Variants in IQSEC1 observed in about 807,000 individuals in gnomAD.
The protein encoded by IQSEC1 is IQ motif and Sec7 domain ArfGEF 1.
IQSEC1 carries 31 observed loss-of-function variants against 91.0 expected under a neutral mutation model. The observed-to-expected ratio is 0.34, with a 90% CI of 0.26 to 0.46. The LOEUF is 0.46. Among genes scored for constraint, IQSEC1 ranks in the 20% least tolerant of loss-of-function variants. IQSEC1 has a pLI of 1.00. For synonymous variants in IQSEC1, 699 were observed against 662.6 expected (o/e 1.05, Z -0.84); for missense variants, 1,388 against 1,575.6 (o/e 0.88, Z 2.02).
At chr3:13,098,137 C>A (rs1374100665) in intron 2 of IQSEC1, among the ~76,000 whole-genome samples, 2 of 152,266 alleles carry the variant, frequency 1.3e-5, no homozygotes, top group African/African-American at 2.4e-5. Context: ...CAGACCCCAG[C>A]ATTTCTTCAT....
chr3:13,022,169 C>G, intron 1 of IQSEC1: 1 of 1,231,748 alleles, frequency 8.1e-7, no homozygotes, highest in Non-Finnish European at 1.0e-6. Flanking sequence ...AGAGTCTCCT[C>G]CTGGCCAGGG....
chr3:12,943,105 CT>C (rs1012309113), intron 1 of IQSEC1, among the ~76,000 whole-genome samples: 5 of 152,324 alleles, frequency 3.3e-5, no homozygotes, highest in African/African-American at 1.2e-4. Context: ...ATCGACTCCC[CT>C]TTTTCAGGTG....
chr3:13,222,710 C>A (rs1388453875), intron 1 of IQSEC1, among the ~76,000 whole-genome samples: 2 of 152,230 alleles, frequency 1.3e-5, no homozygotes, highest in Non-Finnish European at 1.5e-5. Flanking sequence ...CCAGGTCAAA[C>A]AGGCTTGGGA....
rs1393515132 is a variant in IQSEC1, at chr3:12,900,557, AAG to A, written c.*424_*425del. Reference sequence around the variant, plus strand: ...TTATTTTTTTGCCCATTGTCAATAAAAGAGCAATAATGCAGCAAGTTTTGGGG... The same window carrying A: ...TTATTTTTTTGCCCATTGTCAATAAAAGCAATAATGCAGCAAGTTTTGGGG... On this transcript the variant is annotated 3_prime_UTR_variant, in exon 14 of 14. Coordinates refer to ENST00000613206, the MANE Select transcript of IQSEC1 (RefSeq NM_001134382.3). The A allele has an allele frequency of 1.7e-5, 17 of 993,774 alleles. No individual in the cohort carries two copies. The highest frequency in any genetic ancestry group is 1.6e-4 in the African/African-American group (9 of 57,558). The allele number at this position is 993,774 out of a possible 1,614,324, so 61.6% of individuals were successfully genotyped here. A position where few individuals can be genotyped will look rare whatever the true frequency, so the allele number is the denominator to read the frequency against.
intron 1 of IQSEC1, among the ~76,000 whole-genome samples, chr3:13,070,501 C>A (rs1705377872): frequency 6.6e-6 from 1 of 152,178 alleles, no homozygotes; most frequent in Admixed American, 6.5e-5. Context: ...AAGGTCTGAG[C>A]AGCAGGTGCT....
Position 13,244,646 on chromosome 3 carries a change from A to G in IQSEC1, c.272+38065T>C, listed in dbSNP as rs79721814. On this transcript the variant is annotated intron_variant, in intron 1 of 15. Coordinates refer to the IQSEC1 transcript ENST00000648114. ...TGACCAACCAGCCCAGGCACTCCATACTGATCCCCACTCCCAGCCTCAGCA... is the reference window on the plus strand; with the variant it reads ...TGACCAACCAGCCCAGGCACTCCATGCTGATCCCCACTCCCAGCCTCAGCA... 0.012 allele frequency among the ~76,000 whole-genome samples: 1,827 copies of G among 152,254 alleles called. 137 individuals are homozygous for G. In the East Asian group the frequency reaches 0.21, roughly 17 times the overall value.
At position 12,970,526 on chromosome 3, in the gene IQSEC1, A is replaced by C. The variant is rs769863827; in HGVS notation, c.24-28661T>G. Among the ~76,000 whole-genome samples the C allele has an allele frequency of 3.3e-5, 5 of 151,998 alleles. No individual in the cohort carries two copies. Among genetic ancestry groups the C allele is most frequent in the Admixed American group, 6.6e-5 (1 of 15,264 alleles). The stretch of plus-strand genomic sequence containing the variant: ...CAGCCAGATGTGTGGCACTCTCCCA[A>C]AGCCCAGCCTTTGCAGCCCCTCTCT... On this transcript the variant is annotated intron_variant, in intron 1 of 13. Coordinates refer to ENST00000613206, the MANE Select transcript of IQSEC1 (RefSeq NM_001134382.3). This position sits in a 1 kb window ranked among gnomAD's most constrained non-coding sequence, Gnocchi z 4.4.
chr3:13,247,152 C>T (rs1489336151), intron 1 of IQSEC1, among the ~76,000 whole-genome samples: 1 of 152,146 alleles, frequency 6.6e-6, no homozygotes. Flanking sequence ...GTGAGGTCTG[C>T]AGGGGACGGT....
rs1695340922 is a variant in IQSEC1 at position 13,259,196 on chromosome 3, G to C, written c.272+23515C>G. Among the ~76,000 whole-genome samples, 3 of 152,324 alleles carry C rather than the reference G, an allele frequency of 2.0e-5. No individual in the cohort carries two copies. In the South Asian group the frequency reaches 6.2e-4, roughly 32 times the overall value. Reference sequence around the variant, plus strand: ...CACCTCCACCACCCTCTGCCATGCAGGCCCTGGGACGGGACAGTTTCCACT... The same window carrying C: ...CACCTCCACCACCCTCTGCCATGCACGCCCTGGGACGGGACAGTTTCCACT... On this transcript the variant is annotated intron_variant, in intron 1 of 15. Transcript: ENST00000648114. The surrounding 1 kb of genome is among the most constrained non-coding windows in gnomAD (Gnocchi z 4.6).
chr3:13,017,401 CG>C (rs1319828076), intron 1 of IQSEC1, among the ~76,000 whole-genome samples: 1 of 152,210 alleles, frequency 6.6e-6, no homozygotes, highest in Non-Finnish European at 1.5e-5. Flanking sequence ...TGCTGATCAG[CG>C]GAAGAAAGCC....
chr3:12,911,563 C>G, intron 10 of IQSEC1, 66 bp downstream of exon 10: 1 of 1,253,854 alleles, frequency 8.0e-7, no homozygotes. Flanking sequence ...GTCCTCGAAG[C>G]AGCCAGGAGA....
intron 1 of IQSEC1, among the ~76,000 whole-genome samples, chr3:13,059,321 C>T (rs1375720277): frequency 6.6e-6 from 1 of 152,152 alleles, no homozygotes; most frequent in Non-Finnish European, 1.5e-5. Context: ...TCCCCTGTTC[C>T]CTCCCAGTCT....
intron 1 of IQSEC1, among the ~76,000 whole-genome samples, chr3:13,042,816 C>T (rs1445622850): frequency 6.6e-6 from 1 of 152,208 alleles, no homozygotes; most frequent in African/African-American, 2.4e-5. Context: ...CTGGACAGTC[C>T]TACACCCGCC....
At chr3:13,265,921 A>AG in intron 1 of IQSEC1, among the ~76,000 whole-genome samples, 1 of 150,548 alleles carries the variant, frequency 6.6e-6, no homozygotes, top group East Asian at 2.0e-4. Context: ...TATTGCAAAA[A>AG]AAAAAAAAAA....
rs1436435649 is a variant in IQSEC1, at chr3:12,900,627, G to A, written c.*356C>T. On this transcript the variant is annotated 3_prime_UTR_variant, in exon 14 of 14. Transcript: ENST00000613206. ...TGTATCTCATTTCTTCGTTTTCTAG[G>A]TTGGGTTTTCATATGCATGTACATT... 2.7e-6 allele frequency: 3 copies of A among 1,097,190 alleles called. No individual in the cohort carries two copies. The highest frequency in any genetic ancestry group is 3.3e-6 in the Non-Finnish European group (3 of 899,970). 68.0% of individuals were successfully genotyped at this position (1,097,190 alleles called of 1,614,324 possible).
At chr3:13,064,785 G>C (rs1423282230) in intron 1 of IQSEC1, among the ~76,000 whole-genome samples, 1 of 152,252 alleles carries the variant, frequency 6.6e-6, no homozygotes, top group African/African-American at 2.4e-5. Context: ...AGATTTTCAT[G>C]CCCATAAATA....
At chr3:12,968,243 G>C (rs1031243997) in intron 1 of IQSEC1, among the ~76,000 whole-genome samples, 7 of 152,294 alleles carry the variant, frequency 4.6e-5, no homozygotes, top group Admixed American at 3.9e-4. Context: ...CTGGGGCTCT[G>C]ATGCGCCCCA....
intron 1 of IQSEC1, chr3:13,053,109 T>G: frequency 1.1e-6 from 1 of 899,034 alleles, no homozygotes; most frequent in Non-Finnish European, 1.9e-6. Context: ...CCTGAAAGTC[T>G]TGTGAGAAGA....
intron 2 of IQSEC1, among the ~76,000 whole-genome samples, chr3:13,138,679 C>G (rs1706750869): frequency 6.6e-6 from 1 of 152,122 alleles, no homozygotes; most frequent in Non-Finnish European, 1.5e-5. Flanking sequence ...CCCTATTGTG[C>G]CACCATGACC....
Sources: allele counts gnomAD v4.1 joint callset (sites outside exome capture counted in the v4.1 genomes callset), GRCh38; gene constraint gnomAD v4.1.1; non-coding constraint Gnocchi (gnomAD v3.1); transcripts MANE v1.5; gene names NCBI Gene and HGNC (gene_info 2026-07-23, HGNC 2026-07-21).